AGBL4: variants seen among roughly 807,000 people sequenced by gnomAD.
The protein encoded by AGBL4 is cytosolic carboxypeptidase 6.
A neutral mutation model predicts 66.4 loss-of-function variants in AGBL4; 58 were observed. That is an observed-to-expected ratio of 0.87 (90% CI 0.71 to 1.09). AGBL4 has a LOEUF of 1.09. AGBL4 is among the 50% of genes least tolerant of loss of function. The pLI, the probability that AGBL4 is intolerant of heterozygous loss-of-function variation, is 0.00. For synonymous variants in AGBL4, 234 were observed against 222.9 expected (o/e 1.05, Z -0.44); for missense variants, 579 against 631.0 (o/e 0.92, Z 0.88).
At chr1:49,920,175 A>T (rs1652056134) in intron 1 of AGBL4, among the ~76,000 whole-genome samples, 1 of 152,232 alleles carries the variant, frequency 6.6e-6, no homozygotes, top group Non-Finnish European at 1.5e-5. Flanking sequence ...GGACATAGGC[A>T]TGGGCAAGGA....
At chr1:49,981,105 G>A (rs1361762769) in intron 1 of AGBL4, among the ~76,000 whole-genome samples, 4 of 152,166 alleles carry the variant, frequency 2.6e-5, no homozygotes, top group Admixed American at 2.0e-4. Context: ...GAAATTTTAA[G>A]AAGGTGAAGG....
chr1:48,880,789 C>T (rs980959040), intron 5 of AGBL4, among the ~76,000 whole-genome samples: 1 of 152,046 alleles, frequency 6.6e-6, no homozygotes, highest in Non-Finnish European at 1.5e-5. Context: ...GTTTGTGATG[C>T]ATAGGTAATA....
At chr1:49,177,118 G>T (rs1646846938) in intron 4 of AGBL4, among the ~76,000 whole-genome samples, 1 of 152,050 alleles carries the variant, frequency 6.6e-6, no homozygotes, top group Non-Finnish European at 1.5e-5. Flanking sequence ...AGCAGGAAAA[G>T]TGCTGGAATA....
chr1:49,660,470 T>C (rs965347054), intron 3 of AGBL4, among the ~76,000 whole-genome samples: 1 of 152,140 alleles, frequency 6.6e-6, no homozygotes, highest in Non-Finnish European at 1.5e-5. Flanking sequence ...GGCGAGGTTG[T>C]GGAGAAATAG....
At chr1:49,563,519 GC>G (rs1644109192) in intron 3 of AGBL4, among the ~76,000 whole-genome samples, 1 of 152,122 alleles carries the variant, frequency 6.6e-6, no homozygotes, top group Admixed American at 6.6e-5. Flanking sequence ...TTAGCATGAA[GC>G]GTTGTTGAAG....
chr1:49,497,487 A>G (rs900916262), intron 3 of AGBL4, among the ~76,000 whole-genome samples: 1 of 151,922 alleles, frequency 6.6e-6, no homozygotes, highest in African/African-American at 2.4e-5. Context: ...CTTTTCCCCT[A>G]TATTTTCTTC....
chr1:49,510,714 T>C (rs1306550039), intron 3 of AGBL4, among the ~76,000 whole-genome samples: 2 of 151,760 alleles, frequency 1.3e-5, no homozygotes, highest in Non-Finnish European at 2.9e-5. Flanking sequence ...TTTATGGTTT[T>C]AGGTCTAATG....
At chr1:48,715,244 C>A (rs946037252) in intron 6 of AGBL4, among the ~76,000 whole-genome samples, 1 of 152,252 alleles carries the variant, frequency 6.6e-6, no homozygotes, top group African/African-American at 2.4e-5. Context: ...GGGCCCAGCT[C>A]TCACCTGAGA....
At chr1:48,711,179 G>A (rs1325094315) in intron 6 of AGBL4, among the ~76,000 whole-genome samples, 2 of 152,182 alleles carry the variant, frequency 1.3e-5, no homozygotes, top group Non-Finnish European at 2.9e-5. Flanking sequence ...ACTGACTGGA[G>A]GATGACAAAG....
intron 2 of AGBL4, among the ~76,000 whole-genome samples, chr1:49,699,141 A>G (rs189092725): frequency 6.6e-6 from 1 of 152,192 alleles, no homozygotes; most frequent in African/African-American, 2.4e-5. Flanking sequence ...TTTAATCAGT[A>G]ATTCATTCAA....
rs1662254018 is a variant in AGBL4 at position 50,019,302 on chromosome 1, TCTCTCACACA to T, written c.34+4451_34+4460del. ...CTCTCTCTCTCTCTCTCTCTCTCTCTCTCTCACACACACACACACACACACACACACACAT... is the reference window on the plus strand; with the variant it reads ...CTCTCTCTCTCTCTCTCTCTCTCTCTCACACACACACACACACACACACAT... On this transcript the variant is annotated intron_variant, in intron 1 of 13. Transcript: ENST00000371839. Among the ~76,000 whole-genome samples the T allele has an allele frequency of 4.2e-5, 3 of 70,826 alleles. No homozygotes were observed. The East Asian group carries it at 2.0e-3, about 47-fold the overall frequency. 46.5% of individuals were successfully genotyped at this position (70,826 alleles called of 152,430 possible). A position where few individuals can be genotyped will look rare whatever the true frequency, so the allele number is the denominator to read the frequency against.
chr1:49,535,046 G>C (rs1013620069), intron 3 of AGBL4, among the ~76,000 whole-genome samples: 7 of 152,172 alleles, frequency 4.6e-5, no homozygotes, highest in Non-Finnish European at 1.0e-4. Context: ...GGTGAGGGAA[G>C]AGTGAAAAGG....
At chr1:48,567,727 G>A (rs1325569508) in intron 11 of AGBL4, among the ~76,000 whole-genome samples, 1 of 152,216 alleles carries the variant, frequency 6.6e-6, no homozygotes, top group South Asian at 2.1e-4. Flanking sequence ...GAGGATAGTG[G>A]GTAGGAGCAG....
At chr1:49,420,315 T>C (rs1167272) in intron 3 of AGBL4, among the ~76,000 whole-genome samples, 103,994 of 152,060 alleles carry the variant, frequency 0.68, 36,289 homozygotes, top group African/African-American at 0.77. Context: ...TTCTGGGACT[T>C]AGTTTGCCTC....
chr1:49,742,663 T>C (rs1347065229), intron 2 of AGBL4, among the ~76,000 whole-genome samples: 2 of 152,118 alleles, frequency 1.3e-5, no homozygotes, highest in Non-Finnish European at 2.9e-5. Context: ...ACTACAAGGC[T>C]ACAGTAACCA....
chr1:48,938,798 A>G (rs1460419288), intron 5 of AGBL4, among the ~76,000 whole-genome samples: 1 of 152,196 alleles, frequency 6.6e-6, no homozygotes, highest in Non-Finnish European at 1.5e-5. Flanking sequence ...TAATCTCCCC[A>G]AAGCAGATCT....
At chr1:49,057,776 T>C (rs1644333334) in intron 4 of AGBL4, among the ~76,000 whole-genome samples, 1 of 152,170 alleles carries the variant, frequency 6.6e-6, no homozygotes, top group South Asian at 2.1e-4. Context: ...AACTAGGTTG[T>C]AATTTGTATG....
chr1:49,392,698 TACAC>T (rs55786055), intron 3 of AGBL4, among the ~76,000 whole-genome samples: 75,400 of 147,368 alleles, frequency 0.51, 19,626 homozygotes, highest in Non-Finnish European at 0.59. Flanking sequence ...CAACTGTGTA[TACAC>T]ACACACACAC....
chr1:49,438,480 A>T (rs575271500), intron 3 of AGBL4, among the ~76,000 whole-genome samples: 2 of 152,338 alleles, frequency 1.3e-5, no homozygotes, highest in East Asian at 3.9e-4. Flanking sequence ...AGCTGGTTAC[A>T]AGGTGCTAGT....
Sources: gnomAD v4.1 joint callset for allele counts (sites outside exome capture counted in the v4.1 genomes callset) on GRCh38, gnomAD v4.1.1 for gene constraint, MANE v1.5 for transcripts, NCBI Gene and HGNC (gene_info 2026-07-23, HGNC 2026-07-21) for gene names.